Variants in ARK2N observed in about 807,000 individuals in gnomAD.
ARK2N encodes the protein protein ARK2N.
At chr18:46,252,694 A>G in the ARK2N span, among the ~76,000 whole-genome samples, 1 of 152,154 alleles carries the variant, frequency 6.6e-6, no homozygotes, top group Non-Finnish European at 1.5e-5. Context: ...GTAAATGAGA[A>G]TTTGTACTCA....
At chr18:46,180,969 G>A in the ARK2N span, among the ~76,000 whole-genome samples, 1 of 151,732 alleles carries the variant, frequency 6.6e-6, no homozygotes, top group Non-Finnish European at 1.5e-5. Context: ...AAACTTAAAT[G>A]TCGTTTTTTG....
At chr18:46,213,838 A>C in the ARK2N span, among the ~76,000 whole-genome samples, 1 of 152,094 alleles carries the variant, frequency 6.6e-6, no homozygotes. Flanking sequence ...CTGGGACTAC[A>C]GGCGCTCGCC....
chr18:46,176,393 C>G, the ARK2N span, among the ~76,000 whole-genome samples: 1 of 151,668 alleles, frequency 6.6e-6, no homozygotes, highest in Non-Finnish European at 1.5e-5. Context: ...AGCATGTATT[C>G]ATGTTTACTG....
the ARK2N span, among the ~76,000 whole-genome samples, chr18:46,199,482 A>AT: frequency 7.0e-3 from 578 of 82,380 alleles, 3 homozygotes; most frequent in African/African-American, 0.019. Flanking sequence ...CACCCAGCTC[A>AT]TTTTTTTTTT....
At chr18:46,179,087 C>T in the ARK2N span, among the ~76,000 whole-genome samples, 4 of 151,368 alleles carry the variant, frequency 2.6e-5, no homozygotes, top group Non-Finnish European at 4.4e-5. Context: ...GGATTACAGG[C>T]GCGTGCCACC....
chr18:46,186,498 ATTTTTTTTTTTTTT>A, the ARK2N span, among the ~76,000 whole-genome samples: 2 of 81,860 alleles, frequency 2.4e-5, no homozygotes, highest in South Asian at 8.2e-4. Flanking sequence ...CCAACTGGTG[ATTTTTTTTTTTTTT>A]TTTTTTTTTT....
the ARK2N span, among the ~76,000 whole-genome samples, chr18:46,209,414 G>A: frequency 6.6e-6 from 1 of 151,038 alleles, no homozygotes; most frequent in East Asian, 2.0e-4. Flanking sequence ...ATTTTCACAA[G>A]TAGCCTCATT....
At chr18:46,186,300 A>G in the ARK2N span, among the ~76,000 whole-genome samples, 6 of 150,948 alleles carry the variant, frequency 4.0e-5, no homozygotes, top group Admixed American at 1.3e-4. Flanking sequence ...GGTTCAAGCG[A>G]TTCTCCTGCC....
At chr18:46,258,875 C>A in the ARK2N span, among the ~76,000 whole-genome samples, 4 of 152,168 alleles carry the variant, frequency 2.6e-5, no homozygotes, top group South Asian at 8.3e-4. Flanking sequence ...AGAGGCTTAA[C>A]AACCATTGTG....
the ARK2N span, among the ~76,000 whole-genome samples, chr18:46,200,668 A>G: frequency 6.6e-6 from 1 of 152,224 alleles, no homozygotes; most frequent in Non-Finnish European, 1.5e-5. Flanking sequence ...GGCTGTAGGT[A>G]GCAGTATCCA....
the ARK2N span, among the ~76,000 whole-genome samples, chr18:46,219,768 C>A: frequency 6.6e-6 from 1 of 152,018 alleles, no homozygotes; most frequent in Non-Finnish European, 1.5e-5. Flanking sequence ...CACGCCCGGC[C>A]ATTATCAAGT....
chr18:46,222,339 T>C, the ARK2N span, among the ~76,000 whole-genome samples: 2 of 152,228 alleles, frequency 1.3e-5, no homozygotes, highest in Non-Finnish European at 2.9e-5. Context: ...TTTTTGAAAT[T>C]ACATTAGTTA....
the ARK2N span, among the ~76,000 whole-genome samples, chr18:46,210,686 G>A: frequency 0.021 from 3,237 of 152,118 alleles, 50 homozygotes; most frequent in Non-Finnish European, 0.033. Flanking sequence ...GAGGTGGGTC[G>A]ATCACTTGAA....
At chr18:46,191,750 A>G in the ARK2N span, among the ~76,000 whole-genome samples, 1 of 152,146 alleles carries the variant, frequency 6.6e-6, no homozygotes, top group African/African-American at 2.4e-5. Context: ...CAAATTTGCA[A>G]TGACATGTAT....
chr18:46,200,093 C>T, the ARK2N span, among the ~76,000 whole-genome samples: 99,020 of 144,016 alleles, frequency 0.69, 33,458 homozygotes, highest in Middle Eastern at 0.75. Context: ...TGTGTGTGTG[C>T]GCGCGCGTGC....
chr18:46,237,009 C>G, the ARK2N span, among the ~76,000 whole-genome samples: 1 of 151,634 alleles, frequency 6.6e-6, no homozygotes, highest in South Asian at 2.1e-4. Context: ...ATTACAGGCA[C>G]GCACCACCAC....
At chr18:46,202,806 A>AG in the ARK2N span, among the ~76,000 whole-genome samples, 1 of 146,668 alleles carries the variant, frequency 6.8e-6, no homozygotes, top group East Asian at 1.9e-4. Context: ...AAAAATTAAA[A>AG]AAAAAAAAAA....
At chr18:46,215,255 GT>G in the ARK2N span, among the ~76,000 whole-genome samples, 1,404 of 152,294 alleles carry the variant, frequency 9.2e-3, 30 homozygotes, top group African/African-American at 0.032. Context: ...GGCAACGGAG[GT>G]TGCAGTGAAC....
chr18:46,227,666 C>T, the ARK2N span, among the ~76,000 whole-genome samples: 1 of 151,952 alleles, frequency 6.6e-6, no homozygotes, highest in Admixed American at 6.6e-5. Context: ...GGCACGAACC[C>T]GACTCACTGC....
Sources: gnomAD v4.1 joint callset for allele counts (sites outside exome capture counted in the v4.1 genomes callset) on GRCh38, gnomAD v4.1.1 for gene constraint, MANE v1.5 for transcripts, NCBI Gene and HGNC (gene_info 2026-07-23, HGNC 2026-07-21) for gene names.